ANKRD46: variants seen among roughly 807,000 people sequenced by gnomAD.
ANKRD46 encodes the protein ankyrin repeat domain-containing protein 46.
In ANKRD46, 13 loss-of-function variants were observed where a neutral mutation model predicts 19.8. The observed-to-expected ratio is 0.66, with a 90% CI of 0.43 to 1.04. ANKRD46 has a LOEUF of 1.04. Among genes scored for constraint, ANKRD46 ranks in the 50% least tolerant of loss-of-function variants. The probability of loss-of-function intolerance (pLI) is 0.00; values close to 1 mark genes in which losing one functional copy is unlikely to be tolerated. For missense variants in ANKRD46, 185 were observed against 274.8 expected, an observed-to-expected ratio of 0.67 and a Z score of 2.31; for synonymous variants, 91 against 106.9, an observed-to-expected ratio of 0.85 and a Z score of 0.92.
rs1203950799 is a variant in ANKRD46, at chr8:100,546,548, A to T, written c.-131+13163T>A. Among the ~76,000 whole-genome samples the T allele has an allele frequency of 1.3e-5, 2 of 152,236 alleles. No individual in the cohort carries two copies. The highest frequency in any genetic ancestry group is 2.9e-5 in the Non-Finnish European group (2 of 68,042). On this transcript the variant is annotated intron_variant, in intron 1 of 4. Transcript: ENST00000335659. The surrounding 1 kb of genome is among the most constrained non-coding windows in gnomAD (Gnocchi z 4.0). The stretch of plus-strand genomic sequence containing the variant: ...TGGAAATTCCTGGATGTCCAGACAG[A>T]AGTCTGCTACAGGGGCAGAGCCCTT...
At position 100,546,380 on chromosome 8, in the gene ANKRD46, A is replaced by T. The variant is rs1586799346; in HGVS notation, c.-130-13069T>A. Among the ~76,000 whole-genome samples, 1 of 152,382 alleles carries T rather than the reference A, an allele frequency of 6.6e-6. No individual in the cohort carries two copies. ...CACTCCGGCTCCAGCCATGGCTAAA[A>T]GGGGCCAGACTACAGCTCAGACCAT... On this transcript the variant is annotated intron_variant, in intron 1 of 4. Transcript: ENST00000335659. The surrounding 1 kb of genome is among the most constrained non-coding windows in gnomAD (Gnocchi z 4.0).
rs974049924 is a variant in ANKRD46, at chr8:100,527,870, T to C, written c.445A>G (p.Thr149Ala). Residue 149 changes from threonine (T) to alanine (A), a missense_variant, in exon 4 of 5, where the codon ACC (threonine) becomes GCC (alanine). Transcript: ENST00000335659. The surrounding 1 kb of genome is among the most constrained non-coding windows in gnomAD (Gnocchi z 4.0). ...CTTTCACTCTCAGCTGTTTGCATGG[T>C]CTCCAGTTTCGAGTGGGTTCCTCTG... ...FNRGTHSKLE[T>A]MQTAESESAM... 4 of 1,613,384 alleles carry C rather than the reference T, an allele frequency of 2.5e-6. No individual in the cohort carries two copies. Among genetic ancestry groups the C allele is most frequent in the Admixed American group, 1.7e-5 (1 of 59,874 alleles).
intron 2 of ANKRD46, 105 bp downstream of exon 2, chr8:100,533,104 C>T (rs1173415327): frequency 6.6e-6 from 1 of 152,138 alleles, no homozygotes; most frequent in Non-Finnish European, 1.5e-5. Flanking sequence ...TTAATAAGCC[C>T]AATGATAGTT....
rs369966441 is a variant in ANKRD46 at position 100,511,901 on chromosome 8, T to G, written c.637-1262A>C. On this transcript the variant is annotated intron_variant, in intron 5 of 5. Coordinates refer to the ANKRD46 transcript ENST00000520552. This position sits in a 1 kb window ranked among gnomAD's most constrained non-coding sequence, Gnocchi z 4.1. ...TTAGCTGGGTGGGGTGGTGCATGCC[T>G]GTAACCCCAGCTACTCGGGAAGCTG... Among the ~76,000 whole-genome samples, 1 of 152,322 alleles carries G rather than the reference T, an allele frequency of 6.6e-6. No homozygotes were observed.
downstream of ANKRD46, among the ~76,000 whole-genome samples, chr8:100,519,299 A>G (rs140092873): frequency 2.0e-4 from 30 of 152,334 alleles, no homozygotes; most frequent in African/African-American, 6.7e-4. Flanking sequence ...GAGTCACAGG[A>G]AAGACGGTCT....
In ANKRD46 at chr8:100,527,129, C is replaced by A. The variant is rs1464583051; in HGVS notation, c.470+716G>T. On this transcript the variant is annotated intron_variant, in intron 4 of 4. Transcript: ENST00000335659. This position sits in a 1 kb window ranked among gnomAD's most constrained non-coding sequence, Gnocchi z 4.0. The stretch of plus-strand genomic sequence containing the variant: ...CGCCACCTTTTTGGAGCTCTCTGAA[C>A]TGCATTCTCCATTGCTTCTAGATGA... Among the ~76,000 whole-genome samples the A allele has an allele frequency of 6.6e-6, 1 of 152,232 alleles. No individual in the cohort carries two copies. Among genetic ancestry groups the A allele is most frequent in the African/African-American group, 2.4e-5 (1 of 41,464 alleles).
chr8:100,548,471 G>A (rs1338243356), intron 1 of ANKRD46, among the ~76,000 whole-genome samples: 1 of 152,068 alleles, frequency 6.6e-6, no homozygotes, highest in East Asian at 1.9e-4. Flanking sequence ...TATTTTGTTC[G>A]TGTTCTTATT....
At chr8:100,549,372 T>C (rs1035766938) in intron 1 of ANKRD46, among the ~76,000 whole-genome samples, 1 of 152,178 alleles carries the variant, frequency 6.6e-6, no homozygotes, top group African/African-American at 2.4e-5. Flanking sequence ...GTGTTAAGCA[T>C]ACATTGCCAT....
chr8:100,539,152 G>A (rs923670668), intron 1 of ANKRD46, among the ~76,000 whole-genome samples: 1 of 152,090 alleles, frequency 6.6e-6, no homozygotes. Context: ...TCTGGTTTAT[G>A]GTTCATCCTA....
chr8:100,510,302 C>A lies in ANKRD46; in HGVS notation c.*275G>T. ...TGATTTGCCTTGTGGAGGTGGCATC[C>A]TGCCCGGGCGGAGGAGGGGATGGTT... On this transcript the variant is annotated 3_prime_UTR_variant, in exon 6 of 6. Coordinates refer to the ANKRD46 transcript ENST00000520552. The surrounding 1 kb of genome is among the most constrained non-coding windows in gnomAD (Gnocchi z 4.9). 2.6e-6 allele frequency: 1 copy of A among 385,544 alleles called. No homozygotes were observed. Among genetic ancestry groups the A allele is most frequent in the East Asian group, 3.8e-5 (1 of 26,580 alleles). The allele number at this position is 385,544 out of a possible 1,614,324, so 23.9% of individuals were successfully genotyped here. A position where few individuals can be genotyped will look rare whatever the true frequency, so the allele number is the denominator to read the frequency against.
chr8:100,553,693 G>A (rs1037748155), intron 1 of ANKRD46, among the ~76,000 whole-genome samples: 1 of 152,150 alleles, frequency 6.6e-6, no homozygotes, highest in Non-Finnish European at 1.5e-5. Context: ...AAGCTACAGT[G>A]AGCTGAGGTT....
At chr8:100,549,156 T>C (rs1480897999) in intron 1 of ANKRD46, among the ~76,000 whole-genome samples, 5 of 151,120 alleles carry the variant, frequency 3.3e-5, no homozygotes, top group African/African-American at 1.2e-4. Flanking sequence ...TTTTAAAACA[T>C]ATGGGGTCTC....
At chr8:100,515,733 G>T (rs1476838377) in intron 5 of ANKRD46, among the ~76,000 whole-genome samples, 1 of 152,004 alleles carries the variant, frequency 6.6e-6, no homozygotes, top group African/African-American at 2.4e-5. Flanking sequence ...GACTGTATCT[G>T]GATTCAAATA....
chr8:100,536,946 A>G lies in ANKRD46; in HGVS notation c.-130-3635T>C, dbSNP rs1812075572. On this transcript the variant is annotated intron_variant, in intron 1 of 4. Coordinates refer to ENST00000335659, the MANE Select transcript of ANKRD46 (RefSeq NM_001270377.2). The surrounding 1 kb of genome is among the most constrained non-coding windows in gnomAD (Gnocchi z 4.9). ...AGTCATTTATCCTTTCACATGACGC[A>G]GTCACTTAGATCGCGGCAACAAGAG... is the stretch of plus-strand genomic sequence containing the variant. 1.3e-5 allele frequency among the ~76,000 whole-genome samples: 2 copies of G among 152,222 alleles called. No individual in the cohort carries two copies. The highest frequency in any genetic ancestry group is 2.1e-4 in the South Asian group (1 of 4,836).
In ANKRD46 at chr8:100,527,062, C is replaced by A. The variant is rs1051158670; in HGVS notation, c.470+783G>T. On this transcript the variant is annotated intron_variant, in intron 4 of 4. Coordinates refer to ENST00000335659, the MANE Select transcript of ANKRD46 (RefSeq NM_001270377.2). This position sits in a 1 kb window ranked among gnomAD's most constrained non-coding sequence, Gnocchi z 4.0. Reference sequence around the variant, plus strand: ...ACTAGAACTAAGTCTGGCCTATTAACTTTACCTGTTGAGCCCAGTGACATC... The same window carrying A: ...ACTAGAACTAAGTCTGGCCTATTAAATTTACCTGTTGAGCCCAGTGACATC... Among the ~76,000 whole-genome samples, 1 of 152,190 alleles carries A rather than the reference C, an allele frequency of 6.6e-6. No individual in the cohort carries two copies. Among genetic ancestry groups the A allele is most frequent in the Non-Finnish European group, 1.5e-5 (1 of 68,038 alleles).
intron 1 of ANKRD46, among the ~76,000 whole-genome samples, chr8:100,555,698 C>T (rs1196968815): frequency 1.9e-5 from 1 of 53,960 alleles, no homozygotes; most frequent in African/African-American, 7.6e-5. Context: ...AAACAAAAGG[C>T]ACCAACTTAA....
In ANKRD46 at chr8:100,510,647, TGTG is replaced by T. The variant is rs1413705508; in HGVS notation, c.637-11_637-9del. Reference sequence around the variant, plus strand: ...AAGCCTCAGTGTCCTTCTCTGTAAATGTGGGGAAGACAGATTAAAAAAAAAAAA... The same window carrying T: ...AAGCCTCAGTGTCCTTCTCTGTAAATGGGAAGACAGATTAAAAAAAAAAAA... On this transcript the variant is annotated splice_polypyrimidine_tract_variant and intron_variant, in intron 5 of 5. Transcript: ENST00000520552. The surrounding 1 kb of genome is among the most constrained non-coding windows in gnomAD (Gnocchi z 4.9). 2 of 1,531,688 alleles carry T rather than the reference TGTG, an allele frequency of 1.3e-6. No individual in the cohort carries two copies. Among genetic ancestry groups the T allele is most frequent in the Non-Finnish European group, 1.7e-6 (2 of 1,144,968 alleles). 94.9% of individuals were successfully genotyped at this position (1,531,688 alleles called of 1,614,324 possible). A position where few individuals can be genotyped will look rare whatever the true frequency, so the allele number is the denominator to read the frequency against.
At chr8:100,522,862 A>AAT (rs1811756797) in intron 4 of ANKRD46, 91 bp from the exon 5 acceptor site, 1 of 683,314 alleles carries the variant, frequency 1.5e-6, no homozygotes, top group Non-Finnish European at 2.4e-6. Context: ...GAAAAGACCA[A>AAT]ATACACACAC....
rs148637125 is a variant in ANKRD46 at position 100,529,828 on chromosome 8, C to T, written c.6G>A (p.Ser2=). ...GAGAAGAATCATTTACAAAAACATA[C>T]GACATTGTTCTGATGTGGTGGATGG... is the stretch of plus-strand genomic sequence containing the variant. M[S]YVFVNDSSQT... The change falls in exon 3 of 5, where the codon TCG becomes TCA. Residue 2 remains serine, a synonymous_variant. Coordinates refer to ENST00000335659, the MANE Select transcript of ANKRD46 (RefSeq NM_001270377.2). The surrounding 1 kb of genome is among the most constrained non-coding windows in gnomAD (Gnocchi z 5.8). 201 of 1,613,644 alleles carry T rather than the reference C, an allele frequency of 1.2e-4. 1 individual carries two copies. In the East Asian group the frequency reaches 2.5e-3, roughly 20 times the overall value.
Sources: gnomAD v4.1 joint callset for allele counts (sites outside exome capture counted in the v4.1 genomes callset) on GRCh38, gnomAD v4.1.1 for gene constraint, Gnocchi (gnomAD v3.1) non-coding constraint, MANE v1.5 for transcripts, NCBI Gene and HGNC (gene_info 2026-07-23, HGNC 2026-07-21) for gene names.